LIN28B: variants seen among roughly 807,000 people sequenced by gnomAD.
LIN28B encodes protein lin-28 homolog B.
Under a neutral mutation model 21.9 loss-of-function variants are expected in LIN28B, and 5 were observed. The observed-to-expected ratio is 0.23, with a 90% CI of 0.12 to 0.48. The LOEUF (loss-of-function observed/expected upper bound fraction) is 0.48. LIN28B is among the 20% of genes least tolerant of loss of function. LIN28B has a pLI of 0.98. For synonymous variants in LIN28B, 109 were observed against 111.3 expected (o/e 0.98, Z 0.13); for missense variants, 245 against 310.5 (o/e 0.79, Z 1.58).
chr6:104,995,297 C>T (rs1770575488), intron 2 of LIN28B, among the ~76,000 whole-genome samples: 1 of 152,028 alleles, frequency 6.6e-6, no homozygotes, highest in South Asian at 2.1e-4. Context: ...ATTTGGTAGA[C>T]TATTGGTTGT....
At chr6:105,026,983 A>T (rs1045968217) in intron 3 of LIN28B, among the ~76,000 whole-genome samples, 1 of 152,146 alleles carries the variant, frequency 6.6e-6, no homozygotes, top group Admixed American at 6.6e-5. Context: ...CTAATAGTAT[A>T]TTATAGAATA....
chr6:105,015,680 T>C (rs1259272986), intron 2 of LIN28B, among the ~76,000 whole-genome samples: 1 of 152,210 alleles, frequency 6.6e-6, no homozygotes, highest in Non-Finnish European at 1.5e-5. Context: ...GGCTTTTCAG[T>C]TACACATTTT....
intron 2 of LIN28B, among the ~76,000 whole-genome samples, chr6:104,971,142 C>T (rs1457703814): frequency 1.3e-5 from 2 of 151,966 alleles, no homozygotes; most frequent in Non-Finnish European, 2.9e-5. Context: ...AAAAATAGTA[C>T]CTTCTCTGCC....
At chr6:105,050,398 C>A (rs1047827316) in intron 3 of LIN28B, among the ~76,000 whole-genome samples, 3 of 150,824 alleles carry the variant, frequency 2.0e-5, no homozygotes, top group Non-Finnish European at 4.4e-5. Flanking sequence ...GTCAGGAAAT[C>A]GAGACCATCC....
At chr6:105,074,728 C>A (rs1772393705) in intron 3 of LIN28B, among the ~76,000 whole-genome samples, 1 of 152,108 alleles carries the variant, frequency 6.6e-6, no homozygotes, top group Admixed American at 6.5e-5. Flanking sequence ...TTTGTTAAAA[C>A]AGAGTCTAGC....
intron 2 of LIN28B, among the ~76,000 whole-genome samples, chr6:104,987,259 T>C (rs1226990261): frequency 6.6e-6 from 1 of 152,244 alleles, no homozygotes; most frequent in Non-Finnish European, 1.5e-5. Flanking sequence ...TATTTTCCAC[T>C]TGTTTTTTAC....
intron 2 of LIN28B, among the ~76,000 whole-genome samples, chr6:104,991,690 G>A (rs1251636977): frequency 3.3e-5 from 5 of 152,136 alleles, no homozygotes; most frequent in Admixed American, 3.3e-4. Flanking sequence ...GTAGCGAGCC[G>A]AGATCACGCC....
chr6:105,053,714 C>CATTGTGT (rs61525783), intron 3 of LIN28B, among the ~76,000 whole-genome samples: 1 of 147,274 alleles, frequency 6.8e-6, no homozygotes, highest in Non-Finnish European at 1.5e-5. Context: ...TGTGTGGGTG[C>CATTGTGT]GTGTGTGTGT....
chr6:104,986,568 A>T (rs1287524142), intron 2 of LIN28B, among the ~76,000 whole-genome samples: 9 of 146,208 alleles, frequency 6.2e-5, no homozygotes, highest in African/African-American at 2.3e-4. Flanking sequence ...GGGGGTTTTG[A>T]TTGTGAATGC....
At chr6:105,049,478 G>T (rs181187787) in intron 3 of LIN28B, among the ~76,000 whole-genome samples, 1 of 152,352 alleles carries the variant, frequency 6.6e-6, no homozygotes, top group East Asian at 1.9e-4. Context: ...TGGATATTCT[G>T]TTGATTTGGG....
chr6:105,038,924 A>T (rs2114362127), intron 3 of LIN28B, among the ~76,000 whole-genome samples: 1 of 152,342 alleles, frequency 6.6e-6, no homozygotes, highest in Non-Finnish European at 1.5e-5. Flanking sequence ...CATTGTGAAG[A>T]ACGTTCCACA....
At chr6:104,942,206 T>A (rs1778104229) in intron 2 of LIN28B, among the ~76,000 whole-genome samples, 1 of 152,220 alleles carries the variant, frequency 6.6e-6, no homozygotes, top group Non-Finnish European at 1.5e-5. Flanking sequence ...TCACAAATAC[T>A]GTGGAAGTGA....
chr6:105,026,628 A>G (rs1771292704), intron 3 of LIN28B, 146 bp downstream of exon 3: 6 of 578,102 alleles, frequency 1.0e-5, no homozygotes, highest in Non-Finnish European at 1.5e-5. Flanking sequence ...AATATAGGCT[A>G]TCTTGCAGTT....
chr6:105,071,756 GCTAA>G (rs775222450), intron 3 of LIN28B, among the ~76,000 whole-genome samples: 45 of 152,212 alleles, frequency 3.0e-4, no homozygotes, highest in African/African-American at 5.5e-4. Context: ...GATTTAATGG[GCTAA>G]CTAAAATTTC....
In LIN28B at chr6:105,081,416, ACT is replaced by A. The variant is rs536413137; in HGVS notation, c.*2636_*2637del. The A allele has an allele frequency of 3.2e-3, 489 of 152,700 alleles. 5 individuals are homozygous for A. Among genetic ancestry groups the A allele is most frequent in the Non-Finnish European group, 8.5e-4 (58 of 68,030 alleles). 9.5% of individuals were successfully genotyped at this position (152,700 alleles called of 1,614,324 possible). Reference sequence around the variant, plus strand: ...TGTTCATTTACATAGGTAAAATATTACTCTGTTTACAGCAAAAGGCTACCTCA... The same window carrying A: ...TGTTCATTTACATAGGTAAAATATTACTGTTTACAGCAAAAGGCTACCTCA... On this transcript the variant is annotated 3_prime_UTR_variant, in exon 4 of 4. Transcript: ENST00000345080.
intron 2 of LIN28B, chr6:104,941,530 G>C (rs1778094017): frequency 6.7e-6 from 1 of 150,014 alleles, no homozygotes; most frequent in Admixed American, 6.7e-5. Flanking sequence ...TCCCGGCGGC[G>C]GGTCCTCGCG....
At chr6:104,971,000 C>T (rs1289737193) in intron 2 of LIN28B, among the ~76,000 whole-genome samples, 2 of 151,972 alleles carry the variant, frequency 1.3e-5, no homozygotes, top group Non-Finnish European at 2.9e-5. Flanking sequence ...TATTGTGAAC[C>T]ATTAAATATT....
intron 3 of LIN28B, among the ~76,000 whole-genome samples, chr6:105,056,530 T>C (rs991557258): frequency 6.6e-6 from 1 of 152,102 alleles, no homozygotes; most frequent in African/African-American, 2.4e-5. Flanking sequence ...TTGAAATCCA[T>C]TGTGGTTTCT....
At chr6:104,969,206 T>G (rs758277842) in intron 2 of LIN28B, among the ~76,000 whole-genome samples, 2 of 152,194 alleles carry the variant, frequency 1.3e-5, no homozygotes, top group Non-Finnish European at 2.9e-5. Flanking sequence ...AGCTCTCTAA[T>G]TAAAAATTTT....
Sources: gnomAD v4.1 joint callset for allele counts (sites outside exome capture counted in the v4.1 genomes callset) on GRCh38, gnomAD v4.1.1 for gene constraint, MANE v1.5 for transcripts, NCBI Gene and HGNC (gene_info 2026-07-23, HGNC 2026-07-21) for gene names.